The following ATP2B4 variants were observed in gnomAD, a reference collection of about 807,000 sequenced individuals.
ATP2B4 encodes ATPase plasma membrane Ca2+ transporting 4.
ATP2B4 carries 39 observed loss-of-function variants against 110.3 expected under a neutral mutation model. The ratio of observed to expected loss-of-function variants is 0.35; its 90% CI spans 0.27 to 0.46. The LOEUF (loss-of-function observed/expected upper bound fraction) is 0.46. ATP2B4 is among the 20% of genes least tolerant of loss of function. ATP2B4 has a pLI of 1.00. For synonymous variants in ATP2B4, 538 were observed against 571.7 expected (o/e 0.94, Z 0.84); for missense variants, 1,135 against 1,530.9 (o/e 0.74, Z 4.32).
intron 1 of ATP2B4, among the ~76,000 whole-genome samples, chr1:203,663,736 T>C (rs1366416707): frequency 6.6e-6 from 1 of 151,834 alleles, no homozygotes; most frequent in Non-Finnish European, 1.5e-5. Context: ...TCCTAAGTAG[T>C]GGGGACTACA....
chr1:203,638,236 C>G (rs1224141261), intron 1 of ATP2B4, among the ~76,000 whole-genome samples: 1 of 152,116 alleles, frequency 6.6e-6, no homozygotes, highest in Non-Finnish European at 1.5e-5. Context: ...TGATCCCACT[C>G]GCTGGAAGGC....
intron 2 of ATP2B4, among the ~76,000 whole-genome samples, chr1:203,693,630 G>GTT (rs1399285266): frequency 6.6e-6 from 1 of 152,148 alleles, no homozygotes; most frequent in Non-Finnish European, 1.5e-5. Context: ...AAATTCATAG[G>GTT]TTTGGACTCT....
At chr1:203,735,398 A>C (rs1047598415) in intron 20 of ATP2B4, among the ~76,000 whole-genome samples, 17 of 152,180 alleles carry the variant, frequency 1.1e-4, no homozygotes, top group Admixed American at 8.5e-4. Flanking sequence ...TTTGCTGATA[A>C]TGTGGGAAGG....
chr1:203,663,971 T>G (rs1361543137), intron 1 of ATP2B4, among the ~76,000 whole-genome samples: 1 of 152,200 alleles, frequency 6.6e-6, no homozygotes, highest in Non-Finnish European at 1.5e-5. Flanking sequence ...AGGCTCTTCC[T>G]GTGGTTGCAT....
Position 203,633,888 on chromosome 1 carries a change from T to A in ATP2B4, c.-465+6669T>A, listed in dbSNP as rs1005001744. ...CAATATGGAGAAACCCCGTCTCTAC[T>A]AAAAATACAAAATTAGCCGGGCGTG... On this transcript the variant is annotated intron_variant, in intron 1 of 20. Coordinates refer to ENST00000357681, the MANE Select transcript of ATP2B4 (RefSeq NM_001684.5). Among the ~76,000 whole-genome samples the A allele has an allele frequency of 5.9e-5, 9 of 151,996 alleles. 1 individual carries two copies. The highest frequency in any genetic ancestry group is 2.0e-4 in the Admixed American group (3 of 15,258).
intron 7 of ATP2B4, 83 bp from the exon 8 acceptor site, chr1:203,703,569 G>A (rs1665757403): frequency 2.0e-6 from 3 of 1,484,472 alleles, no homozygotes; most frequent in African/African-American, 1.4e-5. Flanking sequence ...AAAGAGACAG[G>A]AAGGTTTTCT....
At chr1:203,670,115 T>A (rs1242543678) in intron 1 of ATP2B4, among the ~76,000 whole-genome samples, 1 of 152,204 alleles carries the variant, frequency 6.6e-6, no homozygotes, top group African/African-American at 2.4e-5. Context: ...TGTCTGCATC[T>A]CTCTTTGTCT....
chr1:203,736,247 T>C (rs1274984589), intron 20 of ATP2B4, among the ~76,000 whole-genome samples: 1 of 152,120 alleles, frequency 6.6e-6, no homozygotes, highest in Non-Finnish European at 1.5e-5. Context: ...GGTGGATTAC[T>C]TGAGGTCAGG....
chr1:203,713,302 GGCGAGGACAGATAAGAACCACCA>G, intron 14 of ATP2B4, 50 bp downstream of exon 14: 1 of 1,606,138 alleles, frequency 6.2e-7, no homozygotes, highest in Non-Finnish European at 8.5e-7. Flanking sequence ...GGCAGGCCAG[GGCGAGGACAGATAAGAACCACCA>G]GCCAAAGCCA....
rs754359060 is a variant in ATP2B4 at position 203,727,352 on chromosome 1, AC to A, written c.3133-42del. ...TGTAAGTTGACTGACAGCTCTTCTC[AC>A]GCTGATTCTGACGTCTTCCTCTTCG... On this transcript the variant is annotated intron_variant, in intron 19 of 20. Transcript: ENST00000357681. 24 of 1,604,558 alleles carry A rather than the reference AC, an allele frequency of 1.5e-5. No individual in the cohort carries two copies. In the African/African-American group the frequency reaches 2.7e-4, roughly 18 times the overall value.
rs1269056191 is a variant in ATP2B4, at chr1:203,712,085, C to A, written c.2157C>A (p.Phe719Leu). The A allele has an allele frequency of 1.2e-6, 2 of 1,614,178 alleles. No individual in the cohort carries two copies. The highest frequency in any genetic ancestry group is 3.3e-5 in the Admixed American group (2 of 60,024). The change falls in exon 13 of 21, where the codon TTC (phenylalanine) becomes TTA (leucine). Residue 719 changes from phenylalanine (F) to leucine (L), a missense_variant. By Grantham distance (22) the Phe-to-Leu change is conservative. This residue lies in a region of ATP2B4 where 368 missense variants were observed against 455.9 expected (regional missense o/e 0.81). Coordinates refer to ENST00000357681, the MANE Select transcript of ATP2B4 (RefSeq NM_001684.5). The stretch of plus-strand genomic sequence containing the variant: ...GCATTCTGACACCTGGGGATGACTT[C>A]CTGTGCTTAGAAGGCAAAGAATTCA... ...KCGILTPGDDFLCLEGKEFNR... is the reference protein window; with the variant it reads ...KCGILTPGDDLLCLEGKEFNR...
chr1:203,683,433 AG>A, intron 2 of ATP2B4, 35 bp downstream of exon 2: 1 of 1,545,760 alleles, frequency 6.5e-7, no homozygotes, highest in South Asian at 1.2e-5. Context: ...AGTTGGAGGA[AG>A]GTGGCTAGTG....
intron 2 of ATP2B4, among the ~76,000 whole-genome samples, chr1:203,686,650 A>G (rs1402998302): frequency 7.2e-6 from 1 of 138,408 alleles, no homozygotes; most frequent in Non-Finnish European, 1.5e-5. Flanking sequence ...CTTAGATCAC[A>G]AATATGTGTC....
intron 17 of ATP2B4, among the ~76,000 whole-genome samples, chr1:203,721,687 G>A (rs1666341138): frequency 7.6e-6 from 1 of 132,108 alleles, no homozygotes; most frequent in African/African-American, 3.0e-5. Context: ...TTTGGAGACA[G>A]AGTCTCGCTC....
intron 20 of ATP2B4, among the ~76,000 whole-genome samples, chr1:203,732,984 G>A (rs558382160): frequency 1.3e-5 from 2 of 152,152 alleles, no homozygotes; most frequent in Non-Finnish European, 2.9e-5. Context: ...CTGGCTGGGC[G>A]TTGGGACTCC....
intron 10 of ATP2B4, 54 bp from the exon 11 acceptor site, chr1:203,709,247 T>A (rs1665934999): frequency 6.2e-7 from 1 of 1,604,088 alleles, no homozygotes; most frequent in African/African-American, 1.3e-5. Context: ...CCCTAAGTTC[T>A]CTGCCTTGTC....
chr1:203,664,559 T>G (rs1664444749), intron 1 of ATP2B4, among the ~76,000 whole-genome samples: 1 of 151,998 alleles, frequency 6.6e-6, no homozygotes, highest in Non-Finnish European at 1.5e-5. Flanking sequence ...GGAGAATGGA[T>G]TTGGAGGAGG....
At chr1:203,633,727 T>TAAATAAAC (rs1371637168) in intron 1 of ATP2B4, among the ~76,000 whole-genome samples, 1 of 150,932 alleles carries the variant, frequency 6.6e-6, no homozygotes, top group Admixed American at 6.6e-5. Flanking sequence ...AATAAATAAA[T>TAAATAAAC]AAATAAATAA....
intron 8 of ATP2B4, among the ~76,000 whole-genome samples, chr1:203,705,721 C>T (rs550233226): frequency 6.6e-6 from 1 of 152,296 alleles, no homozygotes; most frequent in African/African-American, 2.4e-5. Flanking sequence ...CTGTCCCCTG[C>T]CTTGTTCTTC....
Sources: allele counts gnomAD v4.1 joint callset (sites outside exome capture counted in the v4.1 genomes callset), GRCh38; gene constraint gnomAD v4.1.1; regional missense constraint gnomAD v4.1.1; transcripts MANE v1.5; gene names NCBI Gene and HGNC (gene_info 2026-07-23, HGNC 2026-07-21).